Variants in CACNA2D3 observed in about 807,000 individuals in gnomAD.
CACNA2D3 encodes calcium voltage-gated channel auxiliary subunit alpha2delta 3, also known as voltage-dependent calcium channel subunit alpha-2/delta-3.
A neutral mutation model predicts 160.6 loss-of-function variants in CACNA2D3; 60 were observed. The observed-to-expected ratio is 0.37, with a 90% CI of 0.30 to 0.46. The LOEUF is 0.46. Ranked by LOEUF, CACNA2D3 falls within the 20% of genes least tolerant of loss-of-function variation. The pLI is 1.00. For synonymous variants in CACNA2D3, 558 were observed against 492.9 expected, an observed-to-expected ratio of 1.13 and a Z score of -1.75; for missense variants, 1,205 against 1,365.0, an observed-to-expected ratio of 0.88 and a Z score of 1.85.
intron 35 of CACNA2D3, among the ~76,000 whole-genome samples, chr3:55,021,599 TTATATATATATATATATGTGTGTGTG>T (rs1160785062): frequency 2.8e-5 from 4 of 141,792 alleles, no homozygotes; most frequent in African/African-American, 1.1e-4. Context: ...CATCTCTAAA[TTATATATATATATATATGTGTGTGTG>T]TATATATATA....
intron 11 of CACNA2D3, among the ~76,000 whole-genome samples, chr3:54,735,117 C>G (rs1701470329): frequency 6.6e-6 from 1 of 152,218 alleles, no homozygotes; most frequent in Admixed American, 6.5e-5. Context: ...AGCAGCAAAG[C>G]TGTATTGACA....
intron 27 of CACNA2D3, chr3:54,924,571 C>G: frequency 6.9e-7 from 1 of 1,442,304 alleles, no homozygotes. Flanking sequence ...GAGATTCATC[C>G]TAGGCTGGTA....
chr3:55,042,770 C>T (rs358498), intron 35 of CACNA2D3, among the ~76,000 whole-genome samples: 42,215 of 151,962 alleles, frequency 0.28, 8,469 homozygotes, highest in African/African-American at 0.57. Flanking sequence ...CTTAGGTGCA[C>T]TGGAGGTCAG....
At chr3:54,967,743 C>T (rs914859739) in intron 27 of CACNA2D3, among the ~76,000 whole-genome samples, 3 of 152,150 alleles carry the variant, frequency 2.0e-5, no homozygotes, top group African/African-American at 7.2e-5. Flanking sequence ...TGAACTTCCT[C>T]ATGTTATAGT....
intron 27 of CACNA2D3, among the ~76,000 whole-genome samples, chr3:54,922,822 C>A (rs545787201): frequency 1.3e-5 from 2 of 152,230 alleles, no homozygotes; most frequent in African/African-American, 4.8e-5. Context: ...CTCACTCACT[C>A]CCCCCAGTCC....
chr3:54,969,872 AC>A, intron 29 of CACNA2D3, 28 bp downstream of exon 29: 8 of 1,604,642 alleles, frequency 5.0e-6, no homozygotes, highest in Non-Finnish European at 6.8e-6. Context: ...TCCTGTTTCT[AC>A]CCCTGTGGAT....
At chr3:54,916,944 A>G (rs1459906294) in intron 27 of CACNA2D3, among the ~76,000 whole-genome samples, 2 of 152,210 alleles carry the variant, frequency 1.3e-5, no homozygotes, top group Non-Finnish European at 2.9e-5. Context: ...TGAGCTAGGA[A>G]GAGTGCTGAG....
chr3:54,711,343 G>A (rs1428317191), intron 11 of CACNA2D3, among the ~76,000 whole-genome samples: 2 of 152,140 alleles, frequency 1.3e-5, no homozygotes, highest in African/African-American at 4.8e-5. Flanking sequence ...TCTGTCACCC[G>A]GAGACAGAGC....
chr3:54,856,900 C>T (rs2106793061), intron 17 of CACNA2D3, among the ~76,000 whole-genome samples: 1 of 152,318 alleles, frequency 6.6e-6, no homozygotes. Flanking sequence ...CCTGCCTCAG[C>T]CTCCTGAGTA....
chr3:54,885,183 C>T, intron 21 of CACNA2D3, 98 bp from the exon 22 acceptor site: 1 of 1,309,036 alleles, frequency 7.6e-7, no homozygotes, highest in Non-Finnish European at 1.1e-6. Context: ...GATGTCTACC[C>T]TTAACCCACC....
chr3:54,628,223 CT>C (rs1699164501), intron 10 of CACNA2D3, among the ~76,000 whole-genome samples: 1 of 151,282 alleles, frequency 6.6e-6, no homozygotes, highest in Non-Finnish European at 1.5e-5. Flanking sequence ...GAGACTCCGT[CT>C]CAAAAAAAAA....
At chr3:54,977,416 A>G (rs916133842) in intron 29 of CACNA2D3, among the ~76,000 whole-genome samples, 1 of 152,180 alleles carries the variant, frequency 6.6e-6, no homozygotes, top group Non-Finnish European at 1.5e-5. Context: ...AAGATTTTCA[A>G]TTGACTTTAT....
chr3:54,155,601 T>G (rs1240668769), intron 2 of CACNA2D3, among the ~76,000 whole-genome samples: 1 of 152,258 alleles, frequency 6.6e-6, no homozygotes, highest in African/African-American at 2.4e-5. Context: ...TTATTTTGAT[T>G]GGTTTTGTTT....
intron 8 of CACNA2D3, among the ~76,000 whole-genome samples, chr3:54,571,219 C>T (rs985637771): frequency 3.9e-5 from 6 of 151,912 alleles, no homozygotes; most frequent in Non-Finnish European, 7.4e-5. Flanking sequence ...GGTGGAGGCC[C>T]GAGTTCTTAT....
intron 11 of CACNA2D3, among the ~76,000 whole-genome samples, chr3:54,737,146 A>G (rs534344139): frequency 2.0e-5 from 3 of 151,762 alleles, no homozygotes; most frequent in African/African-American, 7.3e-5. Context: ...AACAAAACTA[A>G]TATATCTCCA....
intron 27 of CACNA2D3, among the ~76,000 whole-genome samples, chr3:54,907,470 G>C (rs1700470506): frequency 6.6e-6 from 1 of 152,114 alleles, no homozygotes. Context: ...AGAGAAATAA[G>C]TTTTTATGTA....
intron 10 of CACNA2D3, chr3:54,634,558 C>G (rs1044475666): frequency 6.6e-6 from 1 of 152,152 alleles, no homozygotes; most frequent in African/African-American, 2.4e-5. Flanking sequence ...CACCTGGGTG[C>G]AGGCGGGCTG....
At chr3:54,439,264 TTG>T (rs1700106338) in intron 4 of CACNA2D3, among the ~76,000 whole-genome samples, 2 of 152,014 alleles carry the variant, frequency 1.3e-5, no homozygotes, top group South Asian at 4.1e-4. Context: ...GTTACTGTGC[TTG>T]CAAATTAAGG....
rs551033522 is a variant in CACNA2D3 at position 54,971,847 on chromosome 3, T to A, written c.2556+2003T>A. Among the ~76,000 whole-genome samples the A allele has an allele frequency of 1.2e-4, 19 of 152,330 alleles. No individual in the cohort carries two copies. The South Asian group carries it at 3.9e-3, about 32-fold the overall frequency. On this transcript the variant is annotated intron_variant, in intron 29 of 37. Coordinates refer to ENST00000474759, the MANE Select transcript of CACNA2D3 (RefSeq NM_018398.3). ...TAAAATGTGTGACCTTGGGCAAGTT[T>A]CCAAATCTTTCCATGCCTCAGTTTT... is the stretch of plus-strand genomic sequence containing the variant.
Sources: gnomAD v4.1 joint callset for allele counts (sites outside exome capture counted in the v4.1 genomes callset) on GRCh38, gnomAD v4.1.1 for gene constraint, MANE v1.5 for transcripts, NCBI Gene and HGNC (gene_info 2026-07-23, HGNC 2026-07-21) for gene names.